The following SLC16A9 variants were observed in gnomAD, a reference collection of about 807,000 sequenced individuals.
SLC16A9 encodes the protein monocarboxylate transporter 9.
SLC16A9 carries 26 observed loss-of-function variants against 44.3 expected under a neutral mutation model. The ratio of observed to expected loss-of-function variants is 0.59; its 90% CI spans 0.43 to 0.81. The LOEUF is 0.81. Among genes scored for constraint, SLC16A9 ranks in the 40% least tolerant of loss-of-function variants. The pLI, the probability that SLC16A9 is intolerant of heterozygous loss-of-function variation, is 0.00. For missense variants in SLC16A9, 559 were observed against 595.8 expected, an observed-to-expected ratio of 0.94 and a Z score of 0.64; for synonymous variants, 230 against 225.1, an observed-to-expected ratio of 1.02 and a Z score of -0.19.
intron 1 of SLC16A9, among the ~76,000 whole-genome samples, chr10:59,687,618 T>C (rs1296325376): frequency 6.6e-6 from 1 of 152,238 alleles, no homozygotes; most frequent in Non-Finnish European, 1.5e-5. Flanking sequence ...GCAAAATTTG[T>C]CTATTTTTGT....
intron 3 of SLC16A9, among the ~76,000 whole-genome samples, chr10:59,664,534 G>A (rs971667158): frequency 6.6e-6 from 1 of 151,870 alleles, no homozygotes; most frequent in Non-Finnish European, 1.5e-5. Context: ...TTAAGATCAG[G>A]GTCAAGTAAA....
At position 59,703,713 on chromosome 10, in the gene SLC16A9, A is replaced by AT. The variant is rs200058574; in HGVS notation, c.-37+5765dup. 1.2e-3 allele frequency among the ~76,000 whole-genome samples: 173 copies of AT among 142,466 alleles called. 1 individual carries two copies. In the East Asian group the frequency reaches 0.015, roughly 13 times the overall value. The allele number at this position is 142,466 out of a possible 152,430, so 93.5% of individuals were successfully genotyped here. Reference sequence around the variant, plus strand: ...TTTAGTAAATTTGAATGAATTGCTGATTTTTTTTTTTCGTTTTTTTTTTGA... The same window carrying AT: ...TTTAGTAAATTTGAATGAATTGCTGATTTTTTTTTTTTCGTTTTTTTTTTGA... On this transcript the variant is annotated intron_variant, in intron 1 of 5. Transcript: ENST00000395348.
intron 1 of SLC16A9, among the ~76,000 whole-genome samples, chr10:59,691,399 C>T (rs1390339235): frequency 1.3e-5 from 2 of 152,060 alleles, no homozygotes; most frequent in African/African-American, 4.8e-5. Flanking sequence ...TTTTATACTA[C>T]AGGGTTTAAA....
chr10:59,678,875 C>G, intron 2 of SLC16A9, among the ~76,000 whole-genome samples: 1 of 152,094 alleles, frequency 6.6e-6, no homozygotes, highest in South Asian at 2.1e-4. Context: ...ACACTGGGAA[C>G]CTGCCAATGC....
chr10:59,676,579 G>T (rs992268938), intron 2 of SLC16A9, among the ~76,000 whole-genome samples: 1 of 152,062 alleles, frequency 6.6e-6, no homozygotes, highest in Non-Finnish European at 1.5e-5. Context: ...AAAAGGGGGG[G>T]AAAAAGGGGC....
In SLC16A9 at chr10:59,652,856, G is replaced by C. The variant is rs201663287; in HGVS notation, c.1446C>G (p.Ala482=). Reference sequence around the variant, plus strand: ...TGTTGCATGTATCCCAAGAGGGCAAGGCTGCCAGCAGCAGAATAAAACCTC... The same window carrying C: ...TGTTGCATGTATCCCAAGAGGGCAACGCTGCCAGCAGCAGAATAAAACCTC... ...LLGGFILLLA[A]LPSWDTCNKQ... is the part of the protein sequence containing the mutation. The change falls in exon 6 of 6, where the codon GCC becomes GCG. Residue 482 remains alanine, a synonymous_variant. Transcript: ENST00000395348. The C allele has an allele frequency of 3.1e-6, 5 of 1,614,078 alleles. No individual in the cohort carries two copies. Among genetic ancestry groups the C allele is most frequent in the Non-Finnish European group, 3.4e-6 (4 of 1,179,976 alleles).
chr10:59,659,177 C>A (rs1839416204), intron 4 of SLC16A9, among the ~76,000 whole-genome samples: 1 of 152,162 alleles, frequency 6.6e-6, no homozygotes, highest in African/African-American at 2.4e-5. Flanking sequence ...TTTTCCCCCT[C>A]AGTGATCATC....
rs1840719542 is a variant in SLC16A9, at chr10:59,709,530, C to G, written c.-88G>C. ...CGGTGCTCAGCACCCGGCTCAGTGC[C>G]CCGTGCGGCCGGGCTGGTGGTGTGG... On this transcript the variant is annotated 5_prime_UTR_variant, in exon 1 of 6. Transcript: ENST00000395348. 1 of 152,340 alleles carries G rather than the reference C, an allele frequency of 6.6e-6. No individual in the cohort carries two copies. Among genetic ancestry groups the G allele is most frequent in the African/African-American group, 2.4e-5 (1 of 41,452 alleles). 9.4% of individuals were successfully genotyped at this position (152,340 alleles called of 1,614,324 possible).
In SLC16A9 at chr10:59,654,290, C is replaced by T. The variant is rs1271328472; in HGVS notation, c.736G>A (p.Asp246Asn). 6.2e-7 allele frequency: 1 copy of T among 1,614,178 alleles called. No homozygotes were observed. Among genetic ancestry groups the T allele is most frequent in the Admixed American group, 1.7e-5 (1 of 60,022 alleles). The change falls in exon 5 of 6, where the codon GAC (aspartate) becomes AAC (asparagine). Residue 246 changes from aspartate (D) to asparagine (N), a missense_variant. Physicochemically the swap from Asp to Asn is conservative, Grantham distance 23. Coordinates refer to ENST00000395348, the MANE Select transcript of SLC16A9 (RefSeq NM_194298.3). Reference protein sequence around the residue: ...EKCRITLANGDWKQDSLLHKN... With the variant: ...EKCRITLANGNWKQDSLLHKN... ...TGAAGTAGGCTGTCTTGTTTCCAGT[C>T]ACCATTGGCTAACGTGATCCTGCAT...
At chr10:59,696,529 G>C (rs536914850) in intron 1 of SLC16A9, among the ~76,000 whole-genome samples, 3 of 151,434 alleles carry the variant, frequency 2.0e-5, no homozygotes, top group Admixed American at 2.0e-4. Context: ...CCGCCACCCC[G>C]TCTAGGAAGT....
intron 3 of SLC16A9, among the ~76,000 whole-genome samples, chr10:59,668,564 G>A (rs978481947): frequency 2.6e-5 from 4 of 152,152 alleles, no homozygotes; most frequent in African/African-American, 7.2e-5. Context: ...CCTCCAACTA[G>A]ACAATTGGTT....
intron 1 of SLC16A9, among the ~76,000 whole-genome samples, chr10:59,697,962 T>TA (rs34931109): frequency 0.2 from 27,410 of 136,038 alleles, 2,871 homozygotes; most frequent in South Asian, 0.25. Context: ...GGGCACACAG[T>TA]AAAAAAAAAA....
At chr10:59,689,744 T>C (rs1840212504) in intron 1 of SLC16A9, among the ~76,000 whole-genome samples, 1 of 152,214 alleles carries the variant, frequency 6.6e-6, no homozygotes, top group Non-Finnish European at 1.5e-5. Context: ...GAGTATGCAG[T>C]AATTTCAAGT....
At chr10:59,666,831 G>A (rs1371438176) in intron 3 of SLC16A9, among the ~76,000 whole-genome samples, 5 of 139,758 alleles carry the variant, frequency 3.6e-5, no homozygotes, top group Non-Finnish European at 6.1e-5. Flanking sequence ...GGAAACAACT[G>A]ACAGTAATTG....
chr10:59,686,046 C>T (rs1362258503), intron 1 of SLC16A9, among the ~76,000 whole-genome samples: 6 of 150,716 alleles, frequency 4.0e-5, no homozygotes, highest in African/African-American at 9.8e-5. Flanking sequence ...GGCGCAATCT[C>T]GGCTCACTCA....
Position 59,652,792 on chromosome 10 carries a change from T to C in SLC16A9, c.1510A>G (p.Lys504Glu), listed in dbSNP as rs371921017. ...TTCTTCTAAACATTAGAGGCAACTT[T>C]GTACAAGAAAGTTGTTGGAGCTGGC... ...PKPAPTTFLY[K>E]VASNV Residue 504 changes from lysine (K) to glutamate (E), a missense_variant, in exon 6 of 6, where the codon AAA becomes GAA. Lys to Glu is a moderately conservative substitution (Grantham distance 56). Transcript: ENST00000395348. The C allele has an allele frequency of 6.2e-7, 1 of 1,611,730 alleles. No homozygotes were observed. Among genetic ancestry groups the C allele is most frequent in the Non-Finnish European group, 8.5e-7 (1 of 1,179,324 alleles).
At chr10:59,678,546 C>CTTTTTTTTTTTTTTTTTTTT (rs751112027) in intron 2 of SLC16A9, among the ~76,000 whole-genome samples, 3,638 of 30,188 alleles carry the variant, frequency 0.12, 1,219 homozygotes, top group Non-Finnish European at 0.18. Flanking sequence ...TTTTCTTTTT[C>CTTTTTTTTTTTTTTTTTTTT]TTTTTTTTGA....
chr10:59,687,797 C>CA (rs1252604674), intron 1 of SLC16A9, among the ~76,000 whole-genome samples: 5 of 151,714 alleles, frequency 3.3e-5, no homozygotes, highest in African/African-American at 1.2e-4. Flanking sequence ...TCTATCTCTA[C>CA]AAAAAAATAC....
intron 3 of SLC16A9, among the ~76,000 whole-genome samples, chr10:59,669,348 T>C (rs1056493706): frequency 6.6e-6 from 1 of 152,230 alleles, no homozygotes; most frequent in Admixed American, 6.5e-5. Flanking sequence ...CAGATTTGGC[T>C]GTGTGGCTTA....
Sources: allele counts gnomAD v4.1 joint callset (sites outside exome capture counted in the v4.1 genomes callset), GRCh38; gene constraint gnomAD v4.1.1; transcripts MANE v1.5; gene names NCBI Gene and HGNC (gene_info 2026-07-23, HGNC 2026-07-21).